The following ANGPT4 variants were observed in gnomAD, a reference collection of about 807,000 sequenced individuals.
The protein encoded by ANGPT4 is angiopoietin-4.
A neutral mutation model predicts 53.0 loss-of-function variants in ANGPT4; 50 were observed. The ratio of observed to expected loss-of-function variants is 0.94; its 90% CI spans 0.75 to 1.20. The LOEUF (loss-of-function observed/expected upper bound fraction) is 1.20, where lower values mean the gene tolerates loss of function less well. ANGPT4 is among the 50% of genes most tolerant of loss of function. ANGPT4 has a pLI of 0.00. For missense variants in ANGPT4, 648 were observed against 637.1 expected, an observed-to-expected ratio of 1.02 and a Z score of -0.18; for synonymous variants, 251 against 259.7, an observed-to-expected ratio of 0.97 and a Z score of 0.32.
chr20:888,633 C>T (rs1374753064), intron 2 of ANGPT4, among the ~76,000 whole-genome samples, 194 bp from the exon 3 acceptor site: 2 of 152,150 alleles, frequency 1.3e-5, no homozygotes, highest in Non-Finnish European at 2.9e-5. Flanking sequence ...TGCCTTTCTC[C>T]ATCACTGCAA....
At chr20:874,469 TG>T (rs1439658823) in intron 7 of ANGPT4, 55 bp from the exon 8 acceptor site, 23 of 1,600,372 alleles carry the variant, frequency 1.4e-5, no homozygotes, top group Non-Finnish European at 1.7e-5. Flanking sequence ...AGGTTGGGGC[TG>T]TGTCGAGCAA....
intron 1 of ANGPT4, among the ~76,000 whole-genome samples, chr20:900,706 G>A (rs1982251877): frequency 6.6e-6 from 1 of 152,138 alleles, no homozygotes; most frequent in African/African-American, 2.4e-5. Flanking sequence ...ATTTCCAAAT[G>A]AAGAAGGTTG....
chr20:900,492 T>A (rs887608687), intron 1 of ANGPT4, among the ~76,000 whole-genome samples: 2 of 152,222 alleles, frequency 1.3e-5, no homozygotes, highest in Admixed American at 1.3e-4. Flanking sequence ...TACCTACATG[T>A]GTCTACCTGC....
At position 908,405 on chromosome 20, in the gene ANGPT4, C is replaced by T. The variant is rs1173259028; in HGVS notation, c.309+7501G>A. ...CGTGTGCCTGGAATGCTTTTGCTTC[C>T]TTTCCCTGTCTCGCCACTGCCAACC... On this transcript the variant is annotated intron_variant, in intron 1 of 8. Transcript: ENST00000381922. This position sits in a 1 kb window ranked among gnomAD's most constrained non-coding sequence, Gnocchi z 4.9. Among the ~76,000 whole-genome samples, 1 of 152,204 alleles carries T rather than the reference C, an allele frequency of 6.6e-6. No individual in the cohort carries two copies. The highest frequency in any genetic ancestry group is 1.5e-5 in the Non-Finnish European group (1 of 68,030).
intron 1 of ANGPT4, among the ~76,000 whole-genome samples, chr20:890,602 T>G (rs1981804212): frequency 6.6e-6 from 1 of 152,164 alleles, no homozygotes. Context: ...CTTTGTCCCC[T>G]GCACAGTCCA....
At chr20:885,901 T>C (rs1325812954) in intron 3 of ANGPT4, among the ~76,000 whole-genome samples, 2 of 152,000 alleles carry the variant, frequency 1.3e-5, no homozygotes, top group Non-Finnish European at 2.9e-5. Flanking sequence ...TAAAGAGAAA[T>C]GGGGTGAACA....
chr20:916,252 G>A lies in ANGPT4; in HGVS notation c.-38C>T. 1.3e-6 allele frequency: 2 copies of A among 1,579,270 alleles called. No homozygotes were observed. The highest frequency in any genetic ancestry group is 1.2e-5 in the South Asian group (1 of 86,138). On this transcript the variant is annotated 5_prime_UTR_variant, in exon 1 of 9. Transcript: ENST00000381922. ...CAATGGCGAGGGATGTCTGCTCAGA[G>A]CCCTAGGGGCTGTGCCTGGGATGTC...
At chr20:893,163 C>T (rs776392602) in intron 1 of ANGPT4, among the ~76,000 whole-genome samples, 1 of 152,212 alleles carries the variant, frequency 6.6e-6, no homozygotes, top group Non-Finnish European at 1.5e-5. Context: ...ATTTTTTGTC[C>T]ACTAATCTGC....
At chr20:912,414 G>C (rs1982738716) in intron 1 of ANGPT4, among the ~76,000 whole-genome samples, 1 of 152,210 alleles carries the variant, frequency 6.6e-6, no homozygotes, top group South Asian at 2.1e-4. Context: ...CATGTGACTA[G>C]CCACTGAGCT....
chr20:875,028 TTTTC>T (rs1420002077), intron 7 of ANGPT4, among the ~76,000 whole-genome samples: 1 of 148,510 alleles, frequency 6.7e-6, no homozygotes, highest in Non-Finnish European at 1.5e-5. Flanking sequence ...CAACGTTTCT[TTTTC>T]TTTCTTTTTT....
At chr20:885,687 A>G (rs553426027) in intron 3 of ANGPT4, among the ~76,000 whole-genome samples, 2 of 152,242 alleles carry the variant, frequency 1.3e-5, no homozygotes, top group South Asian at 4.2e-4. Context: ...AGAAAAACAA[A>G]CTAACCAACC....
At chr20:874,531 T>G in intron 7 of ANGPT4, 117 bp from the exon 8 acceptor site, 1 of 1,399,340 alleles carries the variant, frequency 7.1e-7, no homozygotes, top group Non-Finnish European at 9.7e-7. Context: ...CCAGGTGTTC[T>G]TGGAGGGACA....
chr20:910,240 G>C (rs1334812757), intron 1 of ANGPT4, among the ~76,000 whole-genome samples: 1 of 152,144 alleles, frequency 6.6e-6, no homozygotes, highest in Non-Finnish European at 1.5e-5. Flanking sequence ...TACTTCACTG[G>C]GTCATGGTGA....
intron 6 of ANGPT4, among the ~76,000 whole-genome samples, chr20:879,377 A>C (rs190937056): frequency 6.6e-6 from 1 of 152,308 alleles, no homozygotes; most frequent in African/African-American, 2.4e-5. Context: ...TCTCCTGCAG[A>C]TATGATCATA....
At position 885,079 on chromosome 20, in the gene ANGPT4, C is replaced by A; in HGVS notation, c.834G>T (p.Pro278=). The part of the protein sequence containing the change: ...LVQERANASA[P]AFIMAGEQVF... ...CTGGGGCGCACACCGCTCACTCACC[C>A]GGGGCCGAGGCGTTAGCCCTTTCTT... Residue 278 remains proline (P), a splice_region_variant and synonymous_variant, in exon 4 of 9, where the codon CCG becomes CCT. Coordinates refer to ENST00000381922, the MANE Select transcript of ANGPT4 (RefSeq NM_015985.4). The A allele has an allele frequency of 6.2e-7, 1 of 1,613,646 alleles. No individual in the cohort carries two copies. The highest frequency in any genetic ancestry group is 1.1e-5 in the South Asian group (1 of 90,974).
chr20:894,902 G>A (rs1981984481), intron 1 of ANGPT4, among the ~76,000 whole-genome samples: 1 of 152,166 alleles, frequency 6.6e-6, no homozygotes, highest in South Asian at 2.1e-4. Context: ...AGCTCCCCAA[G>A]CACCTCACTG....
rs556092047 is a variant in ANGPT4, at chr20:909,518, C to T, written c.309+6388G>A. 1.7e-3 allele frequency among the ~76,000 whole-genome samples: 258 copies of T among 152,292 alleles called. 1 individual carries two copies. The highest frequency in any genetic ancestry group is 3.1e-3 in the Non-Finnish European group (211 of 68,018). On this transcript the variant is annotated intron_variant, in intron 1 of 8. Transcript: ENST00000381922. ...AAACTATAGTAAGATATGGATGGTA[C>T]GACAGGATTCCTTCCTTGCACCGTG...
intron 4 of ANGPT4, among the ~76,000 whole-genome samples, chr20:882,060 C>T (rs1361728535): frequency 1.3e-5 from 2 of 152,170 alleles, no homozygotes; most frequent in African/African-American, 4.8e-5. Flanking sequence ...CTTCATAGCC[C>T]ACCCTTTTGG....
intron 5 of ANGPT4, among the ~76,000 whole-genome samples, chr20:880,755 T>C (rs1233673392): frequency 6.6e-6 from 1 of 152,218 alleles, no homozygotes; most frequent in Non-Finnish European, 1.5e-5. Flanking sequence ...TTGAAAATGG[T>C]GGCACCTCTA....
Sources: allele counts gnomAD v4.1 joint callset (sites outside exome capture counted in the v4.1 genomes callset), GRCh38; gene constraint gnomAD v4.1.1; non-coding constraint Gnocchi (gnomAD v3.1); transcripts MANE v1.5; gene names NCBI Gene and HGNC (gene_info 2026-07-23, HGNC 2026-07-21).